Variants in GSDME observed in about 807,000 individuals in gnomAD.
GSDME encodes gasdermin E.
Under a neutral mutation model 47.5 loss-of-function variants are expected in GSDME, and 44 were observed. That is an observed-to-expected ratio of 0.93 (90% CI 0.73 to 1.19). The LOEUF (loss-of-function observed/expected upper bound fraction) is 1.19, where lower values mean the gene tolerates loss of function less well. Among genes scored for constraint, GSDME ranks in the 50% most tolerant of loss-of-function variants. The pLI is 0.00. For synonymous variants in GSDME, 258 were observed against 252.8 expected (o/e 1.02, Z -0.20); for missense variants, 663 against 604.2 (o/e 1.10, Z -1.02).
the GSDME span, among the ~76,000 whole-genome samples, chr7:24,786,166 CA>C: frequency 5.3e-5 from 8 of 152,162 alleles, no homozygotes; most frequent in African/African-American, 1.9e-4. This position sits in a 1 kb window ranked among gnomAD's most constrained non-coding sequence, Gnocchi z 5.5. Context: ...GTGAGATTTG[CA>C]GAGGTAAGTG....
chr7:24,750,642 G>C (rs1343527997), intron 1 of GSDME, among the ~76,000 whole-genome samples: 1 of 152,112 alleles, frequency 6.6e-6, no homozygotes, highest in Non-Finnish European at 1.5e-5. Flanking sequence ...AATATTTGTT[G>C]AACAACAACC....
At chr7:24,770,317 C>T in the GSDME span, among the ~76,000 whole-genome samples, 1 of 152,196 alleles carries the variant, frequency 6.6e-6, no homozygotes, top group African/African-American at 2.4e-5. The surrounding 1 kb of genome is among the most constrained non-coding windows in gnomAD (Gnocchi z 4.6). Flanking sequence ...TCCCTCCACC[C>T]ATATCTTGCC....
chr7:24,712,297 G>C lies in GSDME; in HGVS notation c.698-1909C>G, dbSNP rs2128050890. 6.6e-6 allele frequency among the ~76,000 whole-genome samples: 1 copy of C among 152,304 alleles called. No homozygotes were observed. Among genetic ancestry groups the C allele is most frequent in the East Asian group, 1.9e-4 (1 of 5,182 alleles). On this transcript the variant is annotated intron_variant, in intron 5 of 9. Transcript: ENST00000645220. The surrounding 1 kb of genome is among the most constrained non-coding windows in gnomAD (Gnocchi z 4.4). ...ATAACTTTGTTCCCTGAGGACAGGAGCCTTGACCATTCACACAGCCTCAAA... is the reference window on the plus strand; with the variant it reads ...ATAACTTTGTTCCCTGAGGACAGGACCCTTGACCATTCACACAGCCTCAAA...
intron 3 of GSDME, among the ~76,000 whole-genome samples, chr7:24,741,837 T>A (rs11509873): frequency 6.9e-6 from 1 of 144,984 alleles, no homozygotes; most frequent in Middle Eastern, 3.5e-3. Flanking sequence ...ACAAGAATGT[T>A]AGCTTTACTG....
the GSDME span, among the ~76,000 whole-genome samples, chr7:24,776,665 A>G: frequency 6.6e-6 from 1 of 152,230 alleles, no homozygotes; most frequent in African/African-American, 2.4e-5. Flanking sequence ...TGCAGCAGGT[A>G]TAAGTTCTAT....
intron 6 of GSDME, 57 bp from the exon 7 acceptor site, chr7:24,708,311 G>A (rs1003576806): frequency 3.6e-5 from 58 of 1,604,954 alleles, no homozygotes; most frequent in African/African-American, 2.0e-4. Flanking sequence ...TCACGACGTC[G>A]GACAGCAACT....
In GSDME at chr7:24,736,715, T is replaced by C. The variant is rs1054547830; in HGVS notation, c.404+7847A>G. Among the ~76,000 whole-genome samples the C allele has an allele frequency of 1.3e-5, 2 of 152,172 alleles. No homozygotes were observed. Among genetic ancestry groups the C allele is most frequent in the African/African-American group, 4.8e-5 (2 of 41,442 alleles). On this transcript the variant is annotated intron_variant, in intron 3 of 9. Transcript: ENST00000645220. The surrounding 1 kb of genome is among the most constrained non-coding windows in gnomAD (Gnocchi z 4.6). The stretch of plus-strand genomic sequence containing the variant: ...TCCAACAACTGAAGAATACACATTC[T>C]TTTCCTCAGCACATGGATCATTCGC...
the GSDME span, among the ~76,000 whole-genome samples, chr7:24,789,446 C>T: frequency 2.4e-4 from 36 of 152,224 alleles, no homozygotes; most frequent in Middle Eastern, 3.4e-3. Context: ...CAAGGGGGTC[C>T]GCGTGAGCAG....
At position 24,749,803 on chromosome 7, in the gene GSDME, T is replaced by A; in HGVS notation, c.-19-10A>T. The A allele has an allele frequency of 6.4e-7, 1 of 1,561,546 alleles. No individual in the cohort carries two copies. ...GAAAGCTCCAGATTATCTGAAAAAGTAAAGTTATCCTAAAATCAAATAAGA... is the reference window on the plus strand; with the variant it reads ...GAAAGCTCCAGATTATCTGAAAAAGAAAAGTTATCCTAAAATCAAATAAGA... On this transcript the variant is annotated splice_polypyrimidine_tract_variant and intron_variant, in intron 1 of 9. Coordinates refer to ENST00000645220, the MANE Select transcript of GSDME (RefSeq NM_001127453.2).
chr7:24,779,683 G>A, the GSDME span, among the ~76,000 whole-genome samples: 14 of 152,272 alleles, frequency 9.2e-5, no homozygotes, highest in East Asian at 2.7e-3. This position sits in a 1 kb window ranked among gnomAD's most constrained non-coding sequence, Gnocchi z 6.0. Flanking sequence ...GAGTGGATTC[G>A]GAGGCTCAGA....
rs1043462059 is a variant in GSDME at position 24,724,162 on chromosome 7, A to G, written c.405-4944T>C. On this transcript the variant is annotated intron_variant, in intron 3 of 9. Transcript: ENST00000645220. This position sits in a 1 kb window ranked among gnomAD's most constrained non-coding sequence, Gnocchi z 4.8. ...TTTGACATTTAAACCATGTGAATAG[A>G]TTGCCCAGTTCCAAAAAAAAAAAAA... is the stretch of plus-strand genomic sequence containing the variant. 6.7e-6 allele frequency among the ~76,000 whole-genome samples: 1 copy of G among 148,406 alleles called. No homozygotes were observed. Among genetic ancestry groups the G allele is most frequent in the African/African-American group, 2.5e-5 (1 of 39,838 alleles).
At chr7:24,699,332 G>A in intron 9 of GSDME, 73 bp from the exon 10 acceptor site, 1 of 1,178,018 alleles carries the variant, frequency 8.5e-7, no homozygotes, top group Admixed American at 1.8e-5. Context: ...TAATGCACTT[G>A]TAGGTAATTC....
At chr7:24,763,360 C>T in the GSDME span, among the ~76,000 whole-genome samples, 4 of 151,438 alleles carry the variant, frequency 2.6e-5, no homozygotes, top group East Asian at 1.9e-4. The surrounding 1 kb of genome is among the most constrained non-coding windows in gnomAD (Gnocchi z 4.3). Flanking sequence ...CCCAATTGCC[C>T]GCATCATTAC....
At chr7:24,718,362 T>C (rs530320424) in intron 4 of GSDME, among the ~76,000 whole-genome samples, 152 of 152,344 alleles carry the variant, frequency 1.0e-3, no homozygotes, top group African/African-American at 3.5e-3. Context: ...ACCTAGTCCA[T>C]TGAAGTTTAG....
intron 3 of GSDME, among the ~76,000 whole-genome samples, chr7:24,737,867 CA>C (rs1790357969): frequency 6.6e-6 from 1 of 152,088 alleles, no homozygotes; most frequent in South Asian, 2.1e-4. Flanking sequence ...ATTATATCAA[CA>C]AAATGAAGAA....
chr7:24,740,282 G>A (rs1162828365), intron 3 of GSDME, among the ~76,000 whole-genome samples: 3 of 152,068 alleles, frequency 2.0e-5, no homozygotes, highest in Non-Finnish European at 2.9e-5. Flanking sequence ...CAGAGGCTGG[G>A]AAGGGTAGTG....
At chr7:24,773,397 T>G in the GSDME span, among the ~76,000 whole-genome samples, 1 of 152,262 alleles carries the variant, frequency 6.6e-6, no homozygotes, top group African/African-American at 2.4e-5. The surrounding 1 kb of genome is among the most constrained non-coding windows in gnomAD (Gnocchi z 5.4). Context: ...TACATTTTAG[T>G]GCAAATCATA....
At chr7:24,792,182 CTGTCT>C in the GSDME span, among the ~76,000 whole-genome samples, 48 of 152,336 alleles carry the variant, frequency 3.2e-4, no homozygotes, top group Non-Finnish European at 5.9e-4. Flanking sequence ...TCTTGGTATC[CTGTCT>C]TAATTGTCAA....
At chr7:24,704,133 G>C (rs1788997465) in intron 8 of GSDME, 1 of 152,226 alleles carries the variant, frequency 6.6e-6, no homozygotes, top group Non-Finnish European at 1.5e-5. Flanking sequence ...ACTTGACTCT[G>C]ATTTCCTGGA....
Sources: gnomAD v4.1 joint callset for allele counts (sites outside exome capture counted in the v4.1 genomes callset) on GRCh38, gnomAD v4.1.1 for gene constraint, Gnocchi (gnomAD v3.1) non-coding constraint, MANE v1.5 for transcripts, NCBI Gene and HGNC (gene_info 2026-07-23, HGNC 2026-07-21) for gene names.